Variants in CFAP100 observed in about 807,000 individuals in gnomAD.
The protein encoded by CFAP100 is cilia and flagella associated protein 100.
A neutral mutation model predicts 81.5 loss-of-function variants in CFAP100; 70 were observed. That is an observed-to-expected ratio of 0.86 (90% CI 0.71 to 1.05). CFAP100 has a LOEUF of 1.05. Among genes scored for constraint, CFAP100 ranks in the 50% least tolerant of loss-of-function variants. The pLI, the probability that CFAP100 is intolerant of heterozygous loss-of-function variation, is 0.00. For synonymous variants in CFAP100, 341 were observed against 314.8 expected, an observed-to-expected ratio of 1.08 and a Z score of -0.88; for missense variants, 811 against 776.5, an observed-to-expected ratio of 1.04 and a Z score of -0.53.
At chr3:126,414,990 C>T (rs1268091779) in intron 4 of CFAP100, among the ~76,000 whole-genome samples, 2 of 152,222 alleles carry the variant, frequency 1.3e-5, no homozygotes, top group Admixed American at 1.3e-4. Context: ...CAGCCCTGCC[C>T]AGGCCTCCAC....
At chr3:126,402,869 C>T (rs2083006631) in intron 2 of CFAP100, among the ~76,000 whole-genome samples, 1 of 151,878 alleles carries the variant, frequency 6.6e-6, no homozygotes, top group South Asian at 2.1e-4. Context: ...GGGGCAATCA[C>T]AGAGAACCAG....
In CFAP100 at chr3:126,407,157, T is replaced by C. The variant is rs1286233187; in HGVS notation, c.50-15T>C. 1 of 1,606,934 alleles carries C rather than the reference T, an allele frequency of 6.2e-7. No homozygotes were observed. Among genetic ancestry groups the C allele is most frequent in the Non-Finnish European group, 8.5e-7 (1 of 1,173,890 alleles). On this transcript the variant is annotated splice_polypyrimidine_tract_variant and intron_variant, in intron 2 of 16. Coordinates refer to ENST00000352312, the MANE Select transcript of CFAP100 (RefSeq NM_182628.3). Reference sequence around the variant, plus strand: ...GGGAGTCACTGCTGCGGCCCTCACTTTTGTGTCTCCTCAGAGAACAGCCTG... The same window carrying C: ...GGGAGTCACTGCTGCGGCCCTCACTCTTGTGTCTCCTCAGAGAACAGCCTG...
intron 8 of CFAP100, 110 bp downstream of exon 8, chr3:126,419,266 C>T (rs958085329): frequency 1.4e-6 from 1 of 691,588 alleles, no homozygotes; most frequent in Non-Finnish European, 2.4e-6. Context: ...GCTTTACCTC[C>T]CAGGGACTCT....
At chr3:126,413,819 A>G (rs937876516) in intron 3 of CFAP100, among the ~76,000 whole-genome samples, 1 of 152,252 alleles carries the variant, frequency 6.6e-6, no homozygotes, top group Non-Finnish European at 1.5e-5. Context: ...GGCTGAGGGC[A>G]GACGTGTGAG....
At chr3:126,423,295 C>T (rs764619195) in intron 11 of CFAP100, 30 bp from the exon 12 acceptor site, 5 of 1,599,724 alleles carry the variant, frequency 3.1e-6, no homozygotes, top group Non-Finnish European at 3.4e-6. Flanking sequence ...AGGCTGGTCC[C>T]AGAGTCCCGA....
chr3:126,411,291 T>C (rs1217051206), intron 3 of CFAP100, among the ~76,000 whole-genome samples: 1 of 151,968 alleles, frequency 6.6e-6, no homozygotes, highest in African/African-American at 2.4e-5. Context: ...AGTTAGCTAA[T>C]GTTTTGTTGA....
chr3:126,416,810 ATAT>A (rs2083251551), intron 5 of CFAP100: 1 of 285,364 alleles, frequency 3.5e-6, no homozygotes, highest in Non-Finnish European at 6.4e-6. Flanking sequence ...ATACAGCAAG[ATAT>A]TTTGAGAAAG....
chr3:126,416,263 C>A (rs1387770381), intron 4 of CFAP100, 53 bp from the exon 5 acceptor site: 19 of 1,367,624 alleles, frequency 1.4e-5, no homozygotes, highest in Non-Finnish European at 1.8e-5. Flanking sequence ...GCGGGGAGGC[C>A]TGGACGCGGG....
At chr3:126,410,560 G>A (rs11709838) in intron 3 of CFAP100, among the ~76,000 whole-genome samples, 18,209 of 151,784 alleles carry the variant, frequency 0.12, 1,495 homozygotes, top group Non-Finnish European at 0.19. Context: ...GGAGTGCAGT[G>A]GTGCCATCTC....
intron 2 of CFAP100, among the ~76,000 whole-genome samples, chr3:126,400,529 G>A (rs148758774): frequency 0.016 from 2,398 of 152,110 alleles, 47 homozygotes; most frequent in African/African-American, 0.055. Context: ...CAAGGCGGGC[G>A]GATCACGAGG....
At chr3:126,423,438 C>G (rs1490315113) in intron 12 of CFAP100, 55 bp from the exon 13 acceptor site, 2 of 1,609,444 alleles carry the variant, frequency 1.2e-6, no homozygotes, top group East Asian at 2.2e-5. Context: ...TGCCCCCACC[C>G]CTGCCCCTCT....
In CFAP100 at chr3:126,418,658, G is replaced by A. The variant is rs2107605779; in HGVS notation, c.534G>A (p.Leu178=). The A allele has an allele frequency of 3.2e-6, 5 of 1,585,412 alleles. No homozygotes were observed. The highest frequency in any genetic ancestry group is 4.3e-6 in the Non-Finnish European group (5 of 1,167,318). ...GAGAGATCCAGCGGCTGGAGACGCT[G>A]GCGACCAAAGAGGAGGCCAGGCTGG... is the stretch of plus-strand genomic sequence containing the variant. ...KRREIQRLET[L]ATKEEARLER... Residue 178 remains leucine (L), a synonymous_variant, in exon 7 of 17, where the codon CTG becomes CTA. Transcript: ENST00000352312.
chr3:126,436,423 G>C lies in CFAP100; in HGVS notation c.*19G>C. 1 of 1,589,642 alleles carries C rather than the reference G, an allele frequency of 6.3e-7. No homozygotes were observed. Among genetic ancestry groups the C allele is most frequent in the Non-Finnish European group, 8.6e-7 (1 of 1,160,204 alleles). ...TACTTAATCTTCGCAGACCATAGCT[G>C]TTCTGGCTGAAGGCTTAGCAAAGAT... On this transcript the variant is annotated 3_prime_UTR_variant, in exon 17 of 17. Coordinates refer to ENST00000352312, the MANE Select transcript of CFAP100 (RefSeq NM_182628.3).
At chr3:126,406,778 C>T (rs1207313576) in intron 2 of CFAP100, among the ~76,000 whole-genome samples, 1 of 152,162 alleles carries the variant, frequency 6.6e-6, no homozygotes, top group Non-Finnish European at 1.5e-5. Context: ...CCATCCAAGT[C>T]CAGCAGGAAG....
intron 13 of CFAP100, among the ~76,000 whole-genome samples, chr3:126,423,872 C>T (rs1407330744): frequency 6.6e-6 from 1 of 152,244 alleles, no homozygotes. Context: ...CACCCTGAAG[C>T]AGCCCATGGC....
In CFAP100 at chr3:126,434,244, G is replaced by A; in HGVS notation, c.1491G>A (p.Gln497=). Residue 497 remains glutamine (Q), a synonymous_variant, in exon 15 of 17, where the codon CAG becomes CAA. Coordinates refer to ENST00000352312, the MANE Select transcript of CFAP100 (RefSeq NM_182628.3). ...ACCGGCACTGCACCGGCACCCAGCAGGAGGCCAACCTGGGCACCGTGCAGA... is the reference window on the plus strand; with the variant it reads ...ACCGGCACTGCACCGGCACCCAGCAAGAGGCCAACCTGGGCACCGTGCAGA... ...DVYRHCTGTQ[Q]EANLGTVQML... 6.2e-7 allele frequency: 1 copy of A among 1,614,010 alleles called. No homozygotes were observed. Among genetic ancestry groups the A allele is most frequent in the East Asian group, 2.2e-5 (1 of 44,882 alleles).
At chr3:126,435,021 A>G (rs575711213) in intron 15 of CFAP100, among the ~76,000 whole-genome samples, 34 of 152,122 alleles carry the variant, frequency 2.2e-4, no homozygotes, top group African/African-American at 7.7e-4. Flanking sequence ...CGGTTCATCC[A>G]CCCCGTGCAG....
chr3:126,408,712 A>C (rs1486418109), intron 3 of CFAP100, among the ~76,000 whole-genome samples: 1 of 152,092 alleles, frequency 6.6e-6, no homozygotes. Flanking sequence ...CATGGGAGGG[A>C]GAAAGTCCTG....
chr3:126,403,453 C>T (rs9289280), intron 2 of CFAP100, among the ~76,000 whole-genome samples: 78,255 of 148,468 alleles, frequency 0.53, 20,630 homozygotes, highest in Middle Eastern at 0.54. Context: ...GGTGCAATCT[C>T]GGCTCACTGC....
Sources: allele counts gnomAD v4.1 joint callset (sites outside exome capture counted in the v4.1 genomes callset), GRCh38; gene constraint gnomAD v4.1.1; transcripts MANE v1.5; gene names NCBI Gene and HGNC (gene_info 2026-07-23, HGNC 2026-07-21).